Variants in RTBDN observed in about 807,000 individuals in gnomAD.
RTBDN encodes the protein retbindin.
RTBDN carries 24 observed loss-of-function variants against 21.9 expected under a neutral mutation model. The observed-to-expected ratio is 1.10, with a 90% CI of 0.79 to 1.54. The LOEUF is 1.54. Ranked by LOEUF, RTBDN falls within the 40% of genes most tolerant of loss-of-function variation. The pLI, the probability that RTBDN is intolerant of heterozygous loss-of-function variation, is 0.00. For missense variants in RTBDN, 325 were observed against 315.2 expected (o/e 1.03, Z -0.23); for synonymous variants, 141 against 125.9 (o/e 1.12, Z -0.80).
Position 12,829,802 on chromosome 19 carries a change from G to T in RTBDN, c.169+9C>A. 6.2e-7 allele frequency: 1 copy of T among 1,605,614 alleles called. No individual in the cohort carries two copies. Among genetic ancestry groups the T allele is most frequent in the Admixed American group, 1.7e-5 (1 of 59,848 alleles). On this transcript the variant is annotated intron_variant, in intron 2 of 5. Coordinates refer to ENST00000674343, the MANE Select transcript of RTBDN (RefSeq NM_001270441.2). Reference sequence around the variant, plus strand: ...GTGTTGGTGGTGAGGCAGGGTCTGGGGTGCTCACCTGCCAGGTGCAGCTTG... The same window carrying T: ...GTGTTGGTGGTGAGGCAGGGTCTGGTGTGCTCACCTGCCAGGTGCAGCTTG...
chr19:12,830,302 C>T lies in RTBDN; in HGVS notation c.-18-305G>A. 9.0e-7 allele frequency: 1 copy of T among 1,107,092 alleles called. No homozygotes were observed. The highest frequency in any genetic ancestry group is 1.1e-6 in the Non-Finnish European group (1 of 907,076). The allele number at this position is 1,107,092 out of a possible 1,614,324, so 68.6% of individuals were successfully genotyped here. ...CCCACCTTTTTAGTCTTCAAGAGAC[C>T]CCTTCTTTTCTCAGAATGAAGGGGA... On this transcript the variant is annotated intron_variant, in intron 1 of 5. Coordinates refer to ENST00000674343, the MANE Select transcript of RTBDN (RefSeq NM_001270441.2). This position sits in a 1 kb window ranked among gnomAD's most constrained non-coding sequence, Gnocchi z 4.2.
At chr19:12,835,235 G>A (rs958657363), upstream of RTBDN, 9 of 803,940 alleles carry the variant, frequency 1.1e-5, no homozygotes, top group Non-Finnish European at 1.7e-5. Context: ...CCAGACATGA[G>A]TTGGAAAACT....
At position 12,830,077 on chromosome 19, in the gene RTBDN, A is replaced by G; in HGVS notation, c.-18-80T>C. ...CCCACCCAGTGCATACCCAAGAAGC[A>G]GTGCCAGGCAGAGTAGGGAAAGTGC... is the stretch of plus-strand genomic sequence containing the variant. On this transcript the variant is annotated intron_variant, in intron 1 of 5. Transcript: ENST00000674343. The surrounding 1 kb of genome is among the most constrained non-coding windows in gnomAD (Gnocchi z 4.2). 6.8e-7 allele frequency: 1 copy of G among 1,476,962 alleles called. No homozygotes were observed. The highest frequency in any genetic ancestry group is 2.3e-5 in the East Asian group (1 of 43,070). The allele number at this position is 1,476,962 out of a possible 1,614,324, so 91.5% of individuals were successfully genotyped here. A position where few individuals can be genotyped will look rare whatever the true frequency, so the allele number is the denominator to read the frequency against.
chr19:12,826,696 G>T (rs1969313996), intron 5 of RTBDN, 79 bp downstream of exon 5: 6 of 1,039,076 alleles, frequency 5.8e-6, no homozygotes, highest in Non-Finnish European at 8.6e-6. Context: ...CTCCGTCTCA[G>T]AAATAAATAA....
Position 12,830,121 on chromosome 19 carries a change from G to C in RTBDN, c.-18-124C>G. 7.6e-7 allele frequency: 1 copy of C among 1,315,662 alleles called. No homozygotes were observed. The highest frequency in any genetic ancestry group is 2.5e-5 in the East Asian group (1 of 39,542). The allele number at this position is 1,315,662 out of a possible 1,614,324, so 81.5% of individuals were successfully genotyped here. A position where few individuals can be genotyped will look rare whatever the true frequency, so the allele number is the denominator to read the frequency against. Reference sequence around the variant, plus strand: ...AAAGTGCAGCTGAGGAGGAGGCTGGGGCAGTGGCCAAGGACGTTCAAATCC... The same window carrying C: ...AAAGTGCAGCTGAGGAGGAGGCTGGCGCAGTGGCCAAGGACGTTCAAATCC... On this transcript the variant is annotated intron_variant, in intron 1 of 5. Transcript: ENST00000674343. This position sits in a 1 kb window ranked among gnomAD's most constrained non-coding sequence, Gnocchi z 4.2.
chr19:12,830,043 A>G lies in RTBDN; in HGVS notation c.-18-46T>C. 1.3e-6 allele frequency: 2 copies of G among 1,570,182 alleles called. No individual in the cohort carries two copies. Among genetic ancestry groups the G allele is most frequent in the African/African-American group, 1.3e-5 (1 of 74,400 alleles). On this transcript the variant is annotated intron_variant, in intron 1 of 5. Transcript: ENST00000674343. The surrounding 1 kb of genome is among the most constrained non-coding windows in gnomAD (Gnocchi z 4.2). The stretch of plus-strand genomic sequence containing the variant: ...TTCAGCCATCCCTTTCTGTGAGCTT[A>G]GGGTGGCACCCACCCAGTGCATACC...
chr19:12,830,430 G>A lies in RTBDN; in HGVS notation c.-18-433C>T. ...CTCGCTCCCTGCCGGCCCTTCTCTG[G>A]GTCACCTTCTCTCGGCCCACAATCG... is the stretch of plus-strand genomic sequence containing the variant. On this transcript the variant is annotated intron_variant, in intron 1 of 5. Coordinates refer to ENST00000674343, the MANE Select transcript of RTBDN (RefSeq NM_001270441.2). The surrounding 1 kb of genome is among the most constrained non-coding windows in gnomAD (Gnocchi z 4.2). The A allele has an allele frequency of 2.0e-6, 2 of 989,040 alleles. No individual in the cohort carries two copies. Among genetic ancestry groups the A allele is most frequent in the Non-Finnish European group, 2.4e-6 (2 of 832,334 alleles). 61.3% of individuals were successfully genotyped at this position (989,040 alleles called of 1,614,324 possible).
intron 4 of RTBDN, 72 bp from the exon 5 acceptor site, chr19:12,826,943 A>G (rs1969330772): frequency 1.9e-6 from 2 of 1,058,576 alleles, no homozygotes; most frequent in African/African-American, 3.2e-5. Flanking sequence ...GCTCTTCTAG[A>G]CTGTGTTCAC....
In RTBDN at chr19:12,829,953, G is replaced by C. The variant is rs1969501696; in HGVS notation, c.27C>G (p.Pro9=). The C allele has an allele frequency of 1.9e-6, 3 of 1,614,048 alleles. No homozygotes were observed. The East Asian group carries it at 6.7e-5, about 36-fold the overall frequency. Residue 9 remains proline (P), a synonymous_variant, in exon 2 of 6, where the codon CCC becomes CCG. Coordinates refer to ENST00000674343, the MANE Select transcript of RTBDN (RefSeq NM_001270441.2). The part of the protein sequence containing the change: MDCRVHMR[P]IGLTWVLQLT... ...GTTGCAGCACCCACGTCAGGCCGAT[G>C]GGTCGCATGTGGACCCTGCAGTCCA...
In RTBDN at chr19:12,834,341, C is replaced by T; in HGVS notation, c.-19+148G>A. 1.6e-6 allele frequency: 1 copy of T among 622,294 alleles called. No homozygotes were observed. Among genetic ancestry groups the T allele is most frequent in the South Asian group, 1.9e-5 (1 of 51,460 alleles). The allele number at this position is 622,294 out of a possible 1,614,324, so 38.5% of individuals were successfully genotyped here. ...CCTCGCCAGGCTAGGGGTGAGGGGG[C>T]GCAGAGCAAAGTTATTGCCCTAGGG... On this transcript the variant is annotated intron_variant, in intron 1 of 5. Coordinates refer to ENST00000674343, the MANE Select transcript of RTBDN (RefSeq NM_001270441.2). This position sits in a 1 kb window ranked among gnomAD's most constrained non-coding sequence, Gnocchi z 4.7.
At chr19:12,831,631 G>T (rs1266361185) in intron 1 of RTBDN, among the ~76,000 whole-genome samples, 1 of 152,140 alleles carries the variant, frequency 6.6e-6, no homozygotes, top group Non-Finnish European at 1.5e-5. Context: ...GTTTGAACCT[G>T]GGAAGCAGAG....
chr19:12,832,737 G>A (rs537788698), intron 1 of RTBDN: 52 of 152,356 alleles, frequency 3.4e-4, no homozygotes, highest in African/African-American at 1.3e-3. Flanking sequence ...GATAACCCAG[G>A]CAAAGGCGCG....
Position 12,829,900 on chromosome 19 carries a change from G to T in RTBDN, c.80C>A (p.Ala27Asp), listed in dbSNP as rs1969495977. Residue 27 changes from alanine (A) to aspartate (D), a missense_variant, in exon 2 of 6, where the codon GCC becomes GAC. By Grantham distance (126) the Ala-to-Asp change is moderately radical (BLOSUM62 -2). Transcript: ENST00000674343. ...TTGGAGTGGGCGGCTCCCTCCACAGGCTTCTAGCAGGATCCATGCCAAGGT... is the reference window on the plus strand; with the variant it reads ...TTGGAGTGGGCGGCTCCCTCCACAGTCTTCTAGCAGGATCCATGCCAAGGT... ...QLTLAWILLE[A>D]CGGSRPLQAR... 1 of 1,614,038 alleles carries T rather than the reference G, an allele frequency of 6.2e-7. No individual in the cohort carries two copies. Among genetic ancestry groups the T allele is most frequent in the Non-Finnish European group, 8.5e-7 (1 of 1,180,016 alleles).
upstream of RTBDN, chr19:12,834,931 C>G (rs1969705683): frequency 7.0e-6 from 11 of 1,564,934 alleles, no homozygotes; most frequent in Middle Eastern, 1.7e-4. This position sits in a 1 kb window ranked among gnomAD's most constrained non-coding sequence, Gnocchi z 4.7. Context: ...TATCTGTGCC[C>G]CAAGGCCCTG....
At position 12,830,251 on chromosome 19, in the gene RTBDN, G is replaced by C. The variant is rs994526788; in HGVS notation, c.-18-254C>G. The stretch of plus-strand genomic sequence containing the variant: ...ACCCCAACCAAGCTTAGACCACAGT[G>C]GCCCTCCTCCCATCCAGCAGGATCT... On this transcript the variant is annotated intron_variant, in intron 1 of 5. Coordinates refer to ENST00000674343, the MANE Select transcript of RTBDN (RefSeq NM_001270441.2). This position sits in a 1 kb window ranked among gnomAD's most constrained non-coding sequence, Gnocchi z 4.2. The C allele has an allele frequency of 8.1e-7, 1 of 1,232,318 alleles. No homozygotes were observed. Among genetic ancestry groups the C allele is most frequent in the Middle Eastern group, 3.2e-4 (1 of 3,126 alleles). The allele number at this position is 1,232,318 out of a possible 1,614,324, so 76.3% of individuals were successfully genotyped here. A position where few individuals can be genotyped will look rare whatever the true frequency, so the allele number is the denominator to read the frequency against.
chr19:12,830,370 C>G lies in RTBDN; in HGVS notation c.-18-373G>C. 1 of 1,003,620 alleles carries G rather than the reference C, an allele frequency of 1.0e-6. No homozygotes were observed. The highest frequency in any genetic ancestry group is 1.2e-6 in the Non-Finnish European group (1 of 842,006). 62.2% of individuals were successfully genotyped at this position (1,003,620 alleles called of 1,614,324 possible). On this transcript the variant is annotated intron_variant, in intron 1 of 5. Transcript: ENST00000674343. The surrounding 1 kb of genome is among the most constrained non-coding windows in gnomAD (Gnocchi z 4.2). ...ATCCCCCTCTCCTGTTCAGTAATTCCTCCCTCTCTTCTATGCGGCCTCCCT... is the reference window on the plus strand; with the variant it reads ...ATCCCCCTCTCCTGTTCAGTAATTCGTCCCTCTCTTCTATGCGGCCTCCCT...
intron 5 of RTBDN, chr19:12,826,262 T>C (rs1337031312): frequency 7.2e-6 from 9 of 1,255,370 alleles, no homozygotes; most frequent in Non-Finnish European, 9.1e-6. Context: ...GAATGGTTTC[T>C]TGGGAAGGGC....
chr19:12,826,052 G>A, intron 5 of RTBDN, 119 bp from the exon 6 acceptor site: 1 of 1,424,574 alleles, frequency 7.0e-7, no homozygotes, highest in Non-Finnish European at 9.2e-7. Flanking sequence ...CGGAGCGTGC[G>A]GCCTGGGAGT....
intron 5 of RTBDN, 182 bp from the exon 6 acceptor site, chr19:12,826,115 A>C: frequency 2.2e-6 from 3 of 1,376,696 alleles, no homozygotes; most frequent in Non-Finnish European, 2.8e-6. Context: ...GAATGTTCTT[A>C]CTGGGCCCTA....
Sources: allele counts gnomAD v4.1 joint callset (sites outside exome capture counted in the v4.1 genomes callset), GRCh38; gene constraint gnomAD v4.1.1; non-coding constraint Gnocchi (gnomAD v3.1); transcripts MANE v1.5; gene names NCBI Gene and HGNC (gene_info 2026-07-23, HGNC 2026-07-21).